The following OR10H2 variants were observed in gnomAD, a reference collection of about 807,000 sequenced individuals.
The protein encoded by OR10H2 is olfactory receptor family 10 subfamily H member 2.
A neutral mutation model predicts 0.8 loss-of-function variants in OR10H2; 1 was observed. The observed-to-expected ratio is 1.23, with a 90% CI of 0.44 to 5.84. The LOEUF (loss-of-function observed/expected upper bound fraction) is 5.84. OR10H2 is among the 30% of genes most tolerant of loss of function. The probability of loss-of-function intolerance (pLI) is 0.15; values close to 1 mark genes in which losing one functional copy is unlikely to be tolerated. For synonymous variants in OR10H2, 204 were observed against 174.3 expected (o/e 1.17, Z -1.34); for missense variants, 355 against 405.9 (o/e 0.87, Z 1.08).
Position 15,728,941 on chromosome 19 carries a change from G to T in OR10H2, c.898G>T (p.Val300Phe), listed in dbSNP as rs143899525. ...IFSLRNKELKVAMKRTFLSTL... is the reference protein window; with the variant it reads ...IFSLRNKELKFAMKRTFLSTL... ...CAGCCTCAGGAACAAAGAACTGAAG[G>T]TTGCCATGAAGAGGACCTTCCTCAG... Residue 300 changes from valine (V) to phenylalanine (F), a missense_variant, in exon 1 of 1, where the codon GTT (valine) becomes TTT (phenylalanine). This residue lies in a region of OR10H2 where 178 missense variants were observed against 172.8 expected (regional missense o/e 1.03). Transcript: ENST00000305899. 1.8e-4 allele frequency: 286 copies of T among 1,613,998 alleles called. No homozygotes were observed. Among genetic ancestry groups the T allele is most frequent in the Non-Finnish European group, 2.2e-4 (265 of 1,180,022 alleles).
chr19:15,728,375 A>C lies in OR10H2; in HGVS notation c.332A>C (p.His111Pro), dbSNP rs1480511930. The C allele has an allele frequency of 1.2e-6, 2 of 1,613,022 alleles. No individual in the cohort carries two copies. The highest frequency in any genetic ancestry group is 1.7e-6 in the Non-Finnish European group (2 of 1,179,770). ...TTCTCCTTCAGCTTCGGCTTCACCC[A>C]CTCCTTCCTGCTCACCGTCATGGGC... Reference protein sequence around the residue: ...MFFSFSFGFTHSFLLTVMGYD... With the variant: ...MFFSFSFGFTPSFLLTVMGYD... Residue 111 changes from histidine to proline, a missense_variant, in exon 1 of 1, where the codon CAC becomes CCC. Coordinates refer to ENST00000305899, the MANE Select transcript of OR10H2 (RefSeq NM_013939.2).
Position 15,728,319 on chromosome 19 carries a change from C to T in OR10H2, c.276C>T (p.Ile92=), listed in dbSNP as rs576356705. 7.4e-6 allele frequency: 12 copies of T among 1,612,580 alleles called. No homozygotes were observed. Among genetic ancestry groups the T allele is most frequent in the Admixed American group, 5.0e-5 (3 of 60,000 alleles). ...ACCTGCTGTCCACCCAGCGCTCCAT[C>T]GCCTTCCTGGCCTGTGCCAGTCAGA... ...LADLLSTQRS[I]AFLACASQMF... The change falls in exon 1 of 1, where the codon ATC becomes ATT. Residue 92 remains isoleucine (I), a synonymous_variant. Transcript: ENST00000305899.
rs1489592917 is a variant in OR10H2, at chr19:15,728,199, G to A, written c.156G>A (p.Glu52=). ...TCATCATGGCCACCGTCTGGAGCGA[G>A]CGCAGCCTCCACACGCCCATGTACC... ...NLLIMATVWS[E]RSLHTPMYLF... The change falls in exon 1 of 1, where the codon GAG becomes GAA. Residue 52 remains glutamate, a synonymous_variant. Coordinates refer to ENST00000305899, the MANE Select transcript of OR10H2 (RefSeq NM_013939.2). 14 of 1,614,204 alleles carry A rather than the reference G, an allele frequency of 8.7e-6. No homozygotes were observed. Among genetic ancestry groups the A allele is most frequent in the Admixed American group, 1.7e-5 (1 of 60,032 alleles).
chr19:15,728,622 A>G lies in OR10H2; in HGVS notation c.579A>G (p.Val193=), dbSNP rs781586726. Residue 193 remains valine (V), a synonymous_variant, in exon 1 of 1, where the codon GTA becomes GTG. Coordinates refer to ENST00000305899, the MANE Select transcript of OR10H2 (RefSeq NM_013939.2). ...TGAAGTTGGCCTGTGGAAATAATGT[A>G]CCAGCTGTGGCCCTGGGCGTGGGCT... is the stretch of plus-strand genomic sequence containing the variant. ...PLLKLACGNN[V]PAVALGVGLV... 6.2e-7 allele frequency: 1 copy of G among 1,614,176 alleles called. No individual in the cohort carries two copies. The highest frequency in any genetic ancestry group is 1.7e-5 in the Admixed American group (1 of 60,030).
chr19:15,728,074 G>C lies in OR10H2; in HGVS notation c.31G>C (p.Glu11Gln). The C allele has an allele frequency of 6.2e-6, 10 of 1,613,886 alleles. No homozygotes were observed. The highest frequency in any genetic ancestry group is 8.5e-6 in the Non-Finnish European group (10 of 1,179,868). Residue 11 changes from glutamate to glutamine, a missense_variant, in exon 1 of 1, where the codon GAA becomes CAA. This residue lies in a region of OR10H2 where 44 missense variants were observed against 38.4 expected (regional missense o/e 1.15). Transcript: ENST00000305899. MLGLNHTSMS[E>Q]FILVGFSAFP... Reference sequence around the variant, plus strand: ...GGGGCTAAACCACACCTCCATGTCTGAATTCATCCTCGTCGGCTTCTCTGC... The same window carrying C: ...GGGGCTAAACCACACCTCCATGTCTCAATTCATCCTCGTCGGCTTCTCTGC...
rs2008571326 is a variant in OR10H2, at chr19:15,728,695, T to C, written c.652T>C (p.Ser218Pro). Residue 218 changes from serine (S) to proline (P), a missense_variant, in exon 1 of 1, where the codon TCC becomes CCC. Coordinates refer to ENST00000305899, the MANE Select transcript of OR10H2 (RefSeq NM_013939.2). Reference protein sequence around the residue: ...LLGCFLLILLSYAFIVADILK... With the variant: ...LLGCFLLILLPYAFIVADILK... Reference sequence around the variant, plus strand: ...GGGCTGTTTTCTCCTCATCCTCCTCTCCTATGCCTTCATCGTGGCCGACAT... The same window carrying C: ...GGGCTGTTTTCTCCTCATCCTCCTCCCCTATGCCTTCATCGTGGCCGACAT... The C allele has an allele frequency of 1.2e-6, 2 of 1,614,210 alleles. No individual in the cohort carries two copies. The highest frequency in any genetic ancestry group is 3.3e-5 in the Admixed American group (2 of 60,014).
rs2008576971 is a variant in OR10H2, at chr19:15,729,043, T to C, written c.*52T>C. On this transcript the variant is annotated 3_prime_UTR_variant, in exon 1 of 1. Coordinates refer to ENST00000305899, the MANE Select transcript of OR10H2 (RefSeq NM_013939.2). Reference sequence around the variant, plus strand: ...ATATGATAGGAGGATGACCATCACCTTGTCTGCACAGTGTGGCTAGTAATG... The same window carrying C: ...ATATGATAGGAGGATGACCATCACCCTGTCTGCACAGTGTGGCTAGTAATG... 1 of 1,456,844 alleles carries C rather than the reference T, an allele frequency of 6.9e-7. No individual in the cohort carries two copies. The allele number at this position is 1,456,844 out of a possible 1,614,324, so 90.2% of individuals were successfully genotyped here.
At position 15,728,838 on chromosome 19, in the gene OR10H2, TC is replaced by T. The variant is rs764499514; in HGVS notation, c.799del (p.His267ThrfsTer8). On this transcript the variant is annotated frameshift_variant, in exon 1 of 1. Coordinates refer to ENST00000305899, the MANE Select transcript of OR10H2 (RefSeq NM_013939.2). LOFTEE classifies it low-confidence loss of function (END_TRUNC). ...CTGTCATCTACCTCAAGCCCAAAGG[TC>T]CCCACTCTCAGGAGGGTGACACCCT... ...ASVIYLKPKG[P>X]HSQEGDTLMA... 2 of 1,613,938 alleles carry T rather than the reference TC, an allele frequency of 1.2e-6. No homozygotes were observed. Among genetic ancestry groups the T allele is most frequent in the Non-Finnish European group, 1.7e-6 (2 of 1,180,000 alleles).
rs763325448 is a variant in OR10H2 at position 15,728,262 on chromosome 19, C to T, written c.219C>T (p.Tyr73=). The T allele has an allele frequency of 6.2e-7, 1 of 1,614,002 alleles. No homozygotes were observed. The highest frequency in any genetic ancestry group is 8.5e-7 in the Non-Finnish European group (1 of 1,179,814). The change falls in exon 1 of 1, where the codon TAC becomes TAT. Residue 73 remains tyrosine, a synonymous_variant. Coordinates refer to ENST00000305899, the MANE Select transcript of OR10H2 (RefSeq NM_013939.2). ...TCCTCTCAGTCTCCGAGATCCTCTA[C>T]ACCGTGGCCATCATCCCGCGCATGC... is the stretch of plus-strand genomic sequence containing the variant. ...LCVLSVSEIL[Y]TVAIIPRMLA...
At position 15,728,265 on chromosome 19, in the gene OR10H2, C is replaced by T. The variant is rs764681141; in HGVS notation, c.222C>T (p.Thr74=). ...TCTCAGTCTCCGAGATCCTCTACACCGTGGCCATCATCCCGCGCATGCTGG... is the reference window on the plus strand; with the variant it reads ...TCTCAGTCTCCGAGATCCTCTACACTGTGGCCATCATCCCGCGCATGCTGG... ...CVLSVSEILY[T]VAIIPRMLAD... Residue 74 remains threonine (T), a synonymous_variant, in exon 1 of 1, where the codon ACC becomes ACT. Transcript: ENST00000305899. The T allele has an allele frequency of 1.2e-6, 2 of 1,613,878 alleles. No individual in the cohort carries two copies. The highest frequency in any genetic ancestry group is 2.2e-5 in the South Asian group (2 of 91,078).
Position 15,728,248 on chromosome 19 carries a change from T to C in OR10H2, c.205T>C (p.Ser69Pro), listed in dbSNP as rs369375668. 10 of 1,614,130 alleles carry C rather than the reference T, an allele frequency of 6.2e-6. No individual in the cohort carries two copies. The highest frequency in any genetic ancestry group is 2.2e-5 in the East Asian group (1 of 44,858). ...MYLFLCVLSV[S>P]EILYTVAIIP... The stretch of plus-strand genomic sequence containing the variant: ...CCTCTTCCTGTGCGTCCTCTCAGTC[T>C]CCGAGATCCTCTACACCGTGGCCAT... Residue 69 changes from serine to proline, a missense_variant, in exon 1 of 1, where the codon TCC becomes CCC. Transcript: ENST00000305899.
chr19:15,728,079 C>A lies in OR10H2; in HGVS notation c.36C>A (p.Phe12Leu). 1 of 1,613,948 alleles carries A rather than the reference C, an allele frequency of 6.2e-7. No homozygotes were observed. The highest frequency in any genetic ancestry group is 8.5e-7 in the Non-Finnish European group (1 of 1,179,882). ...LGLNHTSMSE[F>L]ILVGFSAFPH... ...TAAACCACACCTCCATGTCTGAATT[C>A]ATCCTCGTCGGCTTCTCTGCCTTCC... is the stretch of plus-strand genomic sequence containing the variant. The change falls in exon 1 of 1, where the codon TTC (phenylalanine) becomes TTA (leucine). Residue 12 changes from phenylalanine to leucine, a missense_variant. This residue lies in a region of OR10H2 where 44 missense variants were observed against 38.4 expected (regional missense o/e 1.15). Transcript: ENST00000305899.
Position 15,728,040 on chromosome 19 carries a change from C to T in OR10H2, c.-4C>T, listed in dbSNP as rs185271527. 30 of 1,604,296 alleles carry T rather than the reference C, an allele frequency of 1.9e-5. No homozygotes were observed. The highest frequency in any genetic ancestry group is 4.5e-5 in the East Asian group (2 of 44,706). ...CCTCTCTTCCCCAACTAGGGGTGGC[C>T]GTCATGCTGGGGCTAAACCACACCT... On this transcript the variant is annotated 5_prime_UTR_variant, in exon 1 of 1. Transcript: ENST00000305899.
At position 15,728,591 on chromosome 19, in the gene OR10H2, CT is replaced by C; in HGVS notation, c.549del (p.Leu184CysfsTer2). The C allele has an allele frequency of 1.9e-6, 3 of 1,614,208 alleles. No individual in the cohort carries two copies. The South Asian group carries it at 3.3e-5, about 18-fold the overall frequency. On this transcript the variant is annotated frameshift_variant, in exon 1 of 1. Transcript: ENST00000305899. LOFTEE classifies it low-confidence loss of function (END_TRUNC). ...CAGCATTTTTTATGTCATGTGCCACCTCTGTTGAAGTTGGCCTGTGGAAATA... is the reference window on the plus strand; with the variant it reads ...CAGCATTTTTTATGTCATGTGCCACCCTGTTGAAGTTGGCCTGTGGAAATA... ...EIQHFLCHVP[P>X]LLKLACGNNV...
Position 15,728,320 on chromosome 19 carries a change from G to T in OR10H2, c.277G>T (p.Ala93Ser). Residue 93 changes from alanine to serine, a missense_variant, in exon 1 of 1, where the codon GCC becomes TCC. Ala to Ser is a moderately conservative substitution (Grantham distance 99). Coordinates refer to ENST00000305899, the MANE Select transcript of OR10H2 (RefSeq NM_013939.2). ...ADLLSTQRSI[A>S]FLACASQMFF... is the part of the protein sequence containing the mutation. ...CCTGCTGTCCACCCAGCGCTCCATC[G>T]CCTTCCTGGCCTGTGCCAGTCAGAT... 6.2e-7 allele frequency: 1 copy of T among 1,612,436 alleles called. No homozygotes were observed. Among genetic ancestry groups the T allele is most frequent in the South Asian group, 1.1e-5 (1 of 90,902 alleles).
rs146808144 is a variant in OR10H2 at position 15,728,638 on chromosome 19, G to A, written c.595G>A (p.Gly199Ser). The change falls in exon 1 of 1, where the codon GGC becomes AGC. Residue 199 changes from glycine to serine, a missense_variant. Around this residue, in one of 3 missense-constraint regions of OR10H2, gnomAD observed 178 missense variants for 172.8 expected, o/e 1.03. Transcript: ENST00000305899. ...AAATAATGTACCAGCTGTGGCCCTG[G>A]GCGTGGGCTTGGTATGTATCATGGC... The part of the protein sequence containing the change: ...CGNNVPAVAL[G>S]VGLVCIMALL... The A allele has an allele frequency of 3.2e-5, 52 of 1,614,220 alleles. No individual in the cohort carries two copies. In the African/African-American group the frequency reaches 6.8e-4, roughly 21 times the overall value.
Position 15,728,746 on chromosome 19 carries a change from C to A in OR10H2, c.703C>A (p.Arg235=). 1 of 1,614,176 alleles carries A rather than the reference C, an allele frequency of 6.2e-7. No homozygotes were observed. The highest frequency in any genetic ancestry group is 8.5e-7 in the Non-Finnish European group (1 of 1,180,046). ...DILKIPSAEG[R]NKAFSTCASH... ...CTTGAAGATCCCTTCTGCTGAAGGT[C>A]GGAACAAGGCCTTCTCCACCTGTGC... Residue 235 remains arginine, a synonymous_variant, in exon 1 of 1, where the codon CGG becomes AGG. Transcript: ENST00000305899.
Position 15,728,812 on chromosome 19 carries a change from T to G in OR10H2, c.769T>G (p.Ser257Ala). ...GGTCATTGTGCACTATGGCTTTGCCTCTGTCATCTACCTCAAGCCCAAAGG... is the reference window on the plus strand; with the variant it reads ...GGTCATTGTGCACTATGGCTTTGCCGCTGTCATCTACCTCAAGCCCAAAGG... ...IVVIVHYGFA[S>A]VIYLKPKGPH... Residue 257 changes from serine (S) to alanine (A), a missense_variant, in exon 1 of 1, where the codon TCT (serine) becomes GCT (alanine). Physicochemically the swap from Ser to Ala is moderately conservative, Grantham distance 99. Transcript: ENST00000305899. 1 of 1,614,204 alleles carries G rather than the reference T, an allele frequency of 6.2e-7. No homozygotes were observed. Among genetic ancestry groups the G allele is most frequent in the Non-Finnish European group, 8.5e-7 (1 of 1,180,040 alleles).
chr19:15,728,025 C>G lies in OR10H2; in HGVS notation c.-19C>G, dbSNP rs371642862. The G allele has an allele frequency of 6.3e-7, 1 of 1,593,522 alleles. No individual in the cohort carries two copies. The highest frequency in any genetic ancestry group is 8.6e-7 in the Non-Finnish European group (1 of 1,166,990). On this transcript the variant is annotated 5_prime_UTR_variant, in exon 1 of 1. Transcript: ENST00000305899. ...CACTGGGTCTTCTTTCCTCTCTTCC[C>G]CAACTAGGGGTGGCCGTCATGCTGG... is the stretch of plus-strand genomic sequence containing the variant.
Sources: allele counts gnomAD v4.1 joint callset, GRCh38; gene constraint gnomAD v4.1.1; regional missense constraint gnomAD v4.1.1; transcripts MANE v1.5; gene names NCBI Gene and HGNC (gene_info 2026-07-23, HGNC 2026-07-21).